The following PARVB variants were observed in gnomAD, a reference collection of about 807,000 sequenced individuals.
PARVB encodes parvin beta, also known as beta-parvin.
PARVB carries 46 observed loss-of-function variants against 47.0 expected under a neutral mutation model. That is an observed-to-expected ratio of 0.98 (90% CI 0.77 to 1.25). The LOEUF (loss-of-function observed/expected upper bound fraction) is 1.25, where lower values mean the gene tolerates loss of function less well. Ranked by LOEUF, PARVB falls within the 50% of genes most tolerant of loss-of-function variation. The pLI is 0.00. For synonymous variants in PARVB, 196 were observed against 196.3 expected (o/e 1.00, Z 0.01); for missense variants, 473 against 471.6 (o/e 1.00, Z -0.03).
Position 44,051,180 on chromosome 22 carries a change from A to G in PARVB, c.112+26729A>G, listed in dbSNP as rs114051097. ...AAAATCCTACCACCAGCTCGTGGAAAAGGTCTCATTTGACAGGTGCCATGC... is the reference window on the plus strand; with the variant it reads ...AAAATCCTACCACCAGCTCGTGGAAGAGGTCTCATTTGACAGGTGCCATGC... On this transcript the variant is annotated intron_variant, in intron 1 of 12. Coordinates refer to ENST00000338758, the MANE Select transcript of PARVB (RefSeq NM_013327.5). Among the ~76,000 whole-genome samples the G allele has an allele frequency of 1.2e-3, 189 of 152,346 alleles. 1 individual carries two copies. The highest frequency in any genetic ancestry group is 4.4e-3 in the African/African-American group (184 of 41,594).
intron 2 of PARVB, among the ~76,000 whole-genome samples, chr22:44,008,195 G>C (rs916067756): frequency 1.3e-5 from 2 of 152,074 alleles, no homozygotes; most frequent in African/African-American, 4.8e-5. Context: ...CCGCCTCCCA[G>C]GTTCAAGCAA....
chr22:44,169,631 G>A lies in PARVB; in HGVS notation c.*953G>A, dbSNP rs9614357. 0.3 allele frequency: 44,580 copies of A among 150,206 alleles called. 7,988 individuals are homozygous for A. Among genetic ancestry groups the A allele is most frequent in the Non-Finnish European group, 0.35 (24,120 of 67,996 alleles). The allele number at this position is 150,206 out of a possible 1,614,324, so 9.3% of individuals were successfully genotyped here. The stretch of plus-strand genomic sequence containing the variant: ...CCTTTCGCCTTGGCTTGTAGATGCC[G>A]GCTTCTCCCCGTGTCTTCACATGGT... On this transcript the variant is annotated 3_prime_UTR_variant, in exon 13 of 13. Coordinates refer to ENST00000338758, the MANE Select transcript of PARVB (RefSeq NM_013327.5).
At chr22:44,048,214 T>C (rs1000243116) in intron 1 of PARVB, among the ~76,000 whole-genome samples, 18 of 152,184 alleles carry the variant, frequency 1.2e-4, no homozygotes, top group African/African-American at 4.1e-4. Context: ...CCTGAAAGCC[T>C]GGTGCAGAAT....
intron 2 of PARVB, among the ~76,000 whole-genome samples, chr22:44,006,132 G>A (rs1282250464): frequency 6.6e-6 from 1 of 152,130 alleles, no homozygotes; most frequent in African/African-American, 2.4e-5. Context: ...TTTTATAGAG[G>A]CAGGGTCTTG....
chr22:44,165,006 G>C (rs1004659825), intron 12 of PARVB, among the ~76,000 whole-genome samples: 6 of 151,882 alleles, frequency 4.0e-5, no homozygotes, highest in Non-Finnish European at 8.8e-5. Flanking sequence ...ATTCTTTTTT[G>C]TTTTGAGACA....
At chr22:44,053,330 CCTT>C (rs2051246577) in intron 1 of PARVB, among the ~76,000 whole-genome samples, 1 of 152,178 alleles carries the variant, frequency 6.6e-6, no homozygotes, top group Admixed American at 6.5e-5. Flanking sequence ...GATCCGCCCT[CCTT>C]GGCTTCCCAA....
In PARVB at chr22:44,103,872, A is replaced by G. The variant is rs2052508660; in HGVS notation, c.273+3749A>G. 6.6e-6 allele frequency: 1 copy of G among 152,272 alleles called. No individual in the cohort carries two copies. The highest frequency in any genetic ancestry group is 1.5e-5 in the Non-Finnish European group (1 of 68,092). 9.4% of individuals were successfully genotyped at this position (152,272 alleles called of 1,614,324 possible). A position where few individuals can be genotyped will look rare whatever the true frequency, so the allele number is the denominator to read the frequency against. On this transcript the variant is annotated intron_variant, in intron 3 of 12. Transcript: ENST00000338758. The surrounding 1 kb of genome is among the most constrained non-coding windows in gnomAD (Gnocchi z 4.6). ...ATTCTCCACTAGAGAACCCAGAAGG[A>G]ACCCTGGAGCCTCCAGAAGGAACCA...
chr22:44,029,546 C>T (rs906726161), intron 1 of PARVB, among the ~76,000 whole-genome samples: 4 of 151,982 alleles, frequency 2.6e-5, no homozygotes, highest in African/African-American at 4.8e-5. Context: ...GAGGCTGAGG[C>T]AGGTGGATCA....
chr22:44,154,381 A>G (rs759902892), intron 10 of PARVB, among the ~76,000 whole-genome samples: 4 of 152,220 alleles, frequency 2.6e-5, no homozygotes, highest in Non-Finnish European at 2.9e-5. Flanking sequence ...GTAAATCATT[A>G]ACGTCTTGAT....
At chr22:44,082,650 C>T (rs1281904946) in intron 1 of PARVB, among the ~76,000 whole-genome samples, 1 of 152,220 alleles carries the variant, frequency 6.6e-6, no homozygotes, top group African/African-American at 2.4e-5. Context: ...TCACCGGCCC[C>T]TCCATGCCCC....
At chr22:44,035,625 C>G (rs1323883289) in intron 1 of PARVB, among the ~76,000 whole-genome samples, 1 of 152,036 alleles carries the variant, frequency 6.6e-6, no homozygotes, top group Non-Finnish European at 1.5e-5. Context: ...CCTGCCTCAG[C>G]CTCCCAAAGT....
At chr22:44,013,068 T>C (rs987209383) in intron 2 of PARVB, among the ~76,000 whole-genome samples, 1 of 152,002 alleles carries the variant, frequency 6.6e-6, no homozygotes, top group Non-Finnish European at 1.5e-5. Context: ...GGTTAATTTT[T>C]TTGTAGTTTT....
At chr22:44,035,319 C>T (rs1258345369) in intron 1 of PARVB, among the ~76,000 whole-genome samples, 2 of 151,944 alleles carry the variant, frequency 1.3e-5, no homozygotes, top group East Asian at 3.9e-4. Flanking sequence ...TACAACATCT[C>T]AAGCTATTCA....
At chr22:44,077,573 C>T (rs971389042) in intron 1 of PARVB, among the ~76,000 whole-genome samples, 5 of 152,122 alleles carry the variant, frequency 3.3e-5, no homozygotes, top group Non-Finnish European at 5.9e-5. Flanking sequence ...CAGACAACAC[C>T]GATAAGGGTG....
intron 1 of PARVB, among the ~76,000 whole-genome samples, chr22:44,037,918 G>A (rs772311557): frequency 1.7e-4 from 26 of 151,736 alleles, no homozygotes; most frequent in Non-Finnish European, 3.1e-4. Context: ...CCAGATTCTC[G>A]CCAGCCACCC....
intron 1 of PARVB, among the ~76,000 whole-genome samples, chr22:44,055,152 G>T (rs1021761749): frequency 1.3e-5 from 2 of 151,852 alleles, no homozygotes; most frequent in East Asian, 3.9e-4. Context: ...TATTAAGGAA[G>T]TACCCACGTT....
intron 1 of PARVB, among the ~76,000 whole-genome samples, chr22:44,082,071 G>T (rs1438579324): frequency 6.6e-6 from 1 of 152,196 alleles, no homozygotes; most frequent in Non-Finnish European, 1.5e-5. Flanking sequence ...GGAGCTGAGG[G>T]TGAGGGGCCG....
At chr22:44,020,679 G>A (rs1346982914), upstream of PARVB, among the ~76,000 whole-genome samples, 2 of 152,180 alleles carry the variant, frequency 1.3e-5, no homozygotes, top group Admixed American at 1.3e-4. Flanking sequence ...GACTGGTAGG[G>A]CAAGGATGGA....
At chr22:44,152,387 A>G (rs1271853814) in intron 10 of PARVB, 3 of 152,048 alleles carry the variant, frequency 2.0e-5, no homozygotes, top group South Asian at 2.1e-4. Context: ...TGGCCTCATG[A>G]TCTGCCTGCC....
Sources: gnomAD v4.1 joint callset for allele counts (sites outside exome capture counted in the v4.1 genomes callset) on GRCh38, gnomAD v4.1.1 for gene constraint, Gnocchi (gnomAD v3.1) non-coding constraint, MANE v1.5 for transcripts, NCBI Gene and HGNC (gene_info 2026-07-23, HGNC 2026-07-21) for gene names.